CNDP2: variants seen among roughly 807,000 people sequenced by gnomAD.
CNDP2 encodes carnosine dipeptidase 2.
A neutral mutation model predicts 55.0 loss-of-function variants in CNDP2; 38 were observed. The ratio of observed to expected loss-of-function variants is 0.69; its 90% CI spans 0.53 to 0.90. The LOEUF is 0.90. Among genes scored for constraint, CNDP2 ranks in the 40% least tolerant of loss-of-function variants. CNDP2 has a pLI of 0.00. For missense variants in CNDP2, 607 were observed against 621.7 expected (o/e 0.98, Z 0.25); for synonymous variants, 241 against 260.2 (o/e 0.93, Z 0.71).
chr18:74,517,445 C>G (rs910003722), intron 9 of CNDP2: 2 of 152,120 alleles, frequency 1.3e-5, no homozygotes, highest in Admixed American at 6.5e-5. Context: ...ATGTTACATT[C>G]CAGCCAAGCC....
intron 1 of CNDP2, chr18:74,497,649 G>GTGGTGCGCACCT (rs1265980653): frequency 6.6e-6 from 1 of 152,198 alleles, no homozygotes; most frequent in Non-Finnish European, 1.5e-5. Context: ...GCTGGGTGTG[G>GTGGTGCGCACCT]TGGTGCGCAC....
chr18:74,517,155 A>G (rs1397441945), intron 9 of CNDP2: 2 of 152,150 alleles, frequency 1.3e-5, no homozygotes, highest in Admixed American at 1.3e-4. Context: ...GGCTCTCGGT[A>G]TCTTCTCACC....
At chr18:74,515,979 C>A (rs1197741436) in intron 8 of CNDP2, among the ~76,000 whole-genome samples, 3 of 152,216 alleles carry the variant, frequency 2.0e-5, no homozygotes, top group African/African-American at 7.2e-5. Flanking sequence ...CCTGAGCCAC[C>A]CACGCTGCAG....
At chr18:74,513,136 G>T (rs1437510863) in intron 7 of CNDP2, among the ~76,000 whole-genome samples, 1 of 152,224 alleles carries the variant, frequency 6.6e-6, no homozygotes, top group Admixed American at 6.5e-5. Context: ...TGTGGAATGC[G>T]CATTAAAAAG....
chr18:74,505,896 G>T lies in CNDP2; in HGVS notation c.252G>T (p.Arg84Ser). 1 of 1,611,982 alleles carries T rather than the reference G, an allele frequency of 6.2e-7. No homozygotes were observed. The highest frequency in any genetic ancestry group is 8.5e-7 in the Non-Finnish European group (1 of 1,179,308). Residue 84 changes from arginine (R) to serine (S), a missense_variant, in exon 4 of 12, where the codon AGG becomes AGT. Physicochemically the swap from Arg to Ser is moderately radical, Grantham distance 110. Coordinates refer to ENST00000324262, the MANE Select transcript of CNDP2 (RefSeq NM_018235.3). ...CGCTCCCTCCTATTCTGCTCGGCAG[G>T]CTGGGCTCCGACCCACAGAAGAAGA... Reference protein sequence around the residue: ...EIPLPPILLGRLGSDPQKKTV... With the variant: ...EIPLPPILLGSLGSDPQKKTV...
intron 5 of CNDP2, chr18:74,509,361 A>G (rs1979213048): frequency 6.3e-6 from 1 of 158,912 alleles, no homozygotes; most frequent in Non-Finnish European, 1.4e-5. Context: ...GCAGTGGCTC[A>G]CACCTGTAAT....
chr18:74,496,828 A>G (rs1405117585), intron 1 of CNDP2, among the ~76,000 whole-genome samples: 1 of 152,114 alleles, frequency 6.6e-6, no homozygotes, highest in Non-Finnish European at 1.5e-5. Context: ...ACCCCTCCCC[A>G]GGGGCCTGCT....
chr18:74,519,911 A>C (rs1979950683), intron 11 of CNDP2, 88 bp from the exon 12 acceptor site: 1 of 1,180,594 alleles, frequency 8.5e-7, no homozygotes, highest in African/African-American at 1.5e-5. Context: ...AAGAAGGCAG[A>C]GTGTGTCTGG....
intron 8 of CNDP2, among the ~76,000 whole-genome samples, chr18:74,515,122 C>T (rs1002204109): frequency 2.6e-5 from 4 of 152,164 alleles, no homozygotes; most frequent in Non-Finnish European, 4.4e-5. Context: ...GGACTGAGAC[C>T]GACATGCCGG....
chr18:74,507,414 T>C, intron 4 of CNDP2: 1 of 152,830 alleles, frequency 6.5e-6, no homozygotes, highest in East Asian at 1.9e-4. Flanking sequence ...TGGGTCCTGC[T>C]CTCCACTTCT....
At chr18:74,518,726 A>G (rs1979868821) in intron 10 of CNDP2, 86 bp downstream of exon 10, 3 of 1,564,516 alleles carry the variant, frequency 1.9e-6, no homozygotes, top group African/African-American at 1.4e-5. Context: ...GCGTGTAGCT[A>G]TGTCGGGGGC....
At chr18:74,518,249 G>C (rs746222) in intron 9 of CNDP2, 3 of 316,894 alleles carry the variant, frequency 9.5e-6, no homozygotes, top group East Asian at 1.3e-4. Flanking sequence ...ACAACAGAGC[G>C]AGACTCCATC....
intron 3 of CNDP2, among the ~76,000 whole-genome samples, chr18:74,503,086 T>TC (rs1978804831): frequency 2.0e-5 from 3 of 151,658 alleles, no homozygotes; most frequent in South Asian, 2.1e-4. Flanking sequence ...TTTTTTTTTT[T>TC]CCTAATATAT....
rs758864152 is a variant in CNDP2 at position 74,516,281 on chromosome 18, C to T, written c.957C>T (p.Ile319=). The T allele has an allele frequency of 6.8e-6, 11 of 1,613,990 alleles. No individual in the cohort carries two copies. Among genetic ancestry groups the T allele is most frequent in the Admixed American group, 3.3e-5 (2 of 60,002 alleles). ...WRYPSLSLHG[I]EGAFSGSGAK... is the part of the protein sequence containing the mutation. ...ACCCGTCTCTGTCCCTCCATGGCATCGAAGGCGCCTTCTCTGGGTCTGGGG... is the reference window on the plus strand; with the variant it reads ...ACCCGTCTCTGTCCCTCCATGGCATTGAAGGCGCCTTCTCTGGGTCTGGGG... The change falls in exon 9 of 12, where the codon ATC becomes ATT. Residue 319 remains isoleucine, a synonymous_variant. Transcript: ENST00000324262.
Position 74,521,052 on chromosome 18 carries a change from A to G in CNDP2, c.*984A>G, listed in dbSNP as rs1980018565. On this transcript the variant is annotated 3_prime_UTR_variant, in exon 12 of 12. Transcript: ENST00000324262. The stretch of plus-strand genomic sequence containing the variant: ...CTTCTCTTTAGTATGATCCCTCAAA[A>G]CCTCACTAACTGGAAGGATGATTTT... 6.6e-6 allele frequency: 1 copy of G among 152,164 alleles called. No homozygotes were observed. The highest frequency in any genetic ancestry group is 1.5e-5 in the Non-Finnish European group (1 of 68,036). 9.4% of individuals were successfully genotyped at this position (152,164 alleles called of 1,614,324 possible).
chr18:74,500,257 TG>T (rs1248982577), intron 2 of CNDP2, among the ~76,000 whole-genome samples: 1 of 152,280 alleles, frequency 6.6e-6, no homozygotes, highest in African/African-American at 2.4e-5. Context: ...TTGAAATTTT[TG>T]TTTCATCTCC....
Position 74,501,540 on chromosome 18 carries a change from C to T in CNDP2, c.204+68C>T, listed in dbSNP as rs1414914467. On this transcript the variant is annotated intron_variant, in intron 3 of 11. Transcript: ENST00000324262. ...TCTGCCTGAGGGGTTGACAAGACGCCACAAGTTCTTAAAAGATCTTTTGCT... is the reference window on the plus strand; with the variant it reads ...TCTGCCTGAGGGGTTGACAAGACGCTACAAGTTCTTAAAAGATCTTTTGCT... 4.6e-6 allele frequency: 7 copies of T among 1,517,328 alleles called. No homozygotes were observed. In the Admixed American group the frequency reaches 8.8e-5, roughly 19 times the overall value. The allele number at this position is 1,517,328 out of a possible 1,614,324, so 94.0% of individuals were successfully genotyped here.
In CNDP2 at chr18:74,499,961, G is replaced by A. The variant is rs1978601712; in HGVS notation, c.-13G>A. On this transcript the variant is annotated 5_prime_UTR_variant, in exon 2 of 12. Transcript: ENST00000324262. Reference sequence around the variant, plus strand: ...GAACCTTCGAGATCTGCGGTCTGGGGTCTGGTTGAAAGATGGCGGCCCTCA... The same window carrying A: ...GAACCTTCGAGATCTGCGGTCTGGGATCTGGTTGAAAGATGGCGGCCCTCA... 10 of 1,613,820 alleles carry A rather than the reference G, an allele frequency of 6.2e-6. No homozygotes were observed. The highest frequency in any genetic ancestry group is 8.5e-6 in the Non-Finnish European group (10 of 1,179,784).
intron 8 of CNDP2, among the ~76,000 whole-genome samples, 159 bp from the exon 9 acceptor site, chr18:74,516,069 G>A (rs1416525445): frequency 2.0e-5 from 3 of 152,190 alleles, no homozygotes; most frequent in Admixed American, 6.5e-5. Context: ...CACTGCAGTC[G>A]CACCTGCACC....
Sources: gnomAD v4.1 joint callset for allele counts (sites outside exome capture counted in the v4.1 genomes callset) on GRCh38, gnomAD v4.1.1 for gene constraint, MANE v1.5 for transcripts, NCBI Gene and HGNC (gene_info 2026-07-23, HGNC 2026-07-21) for gene names.